SP100: variants seen among roughly 807,000 people sequenced by gnomAD.
SP100 encodes nuclear autoantigen Sp-100.
In SP100, 84 loss-of-function variants were observed where a neutral mutation model predicts 130.0. That is an observed-to-expected ratio of 0.65 (90% CI 0.54 to 0.77). SP100 has a LOEUF of 0.77. SP100 is among the 30% of genes least tolerant of loss of function. The pLI, the probability that SP100 is intolerant of heterozygous loss-of-function variation, is 0.00. For missense variants in SP100, 978 were observed against 1,052.2 expected (o/e 0.93, Z 0.97); for synonymous variants, 331 against 351.7 (o/e 0.94, Z 0.66).
At chr2:230,502,575 C>A (rs2067096628) in intron 19 of SP100, among the ~76,000 whole-genome samples, 1 of 152,184 alleles carries the variant, frequency 6.6e-6, no homozygotes, top group African/African-American at 2.4e-5. Flanking sequence ...AGGATAGCTC[C>A]TGGCATACAA....
At chr2:230,485,444 T>A (rs1181382677) in intron 17 of SP100, among the ~76,000 whole-genome samples, 1 of 152,216 alleles carries the variant, frequency 6.6e-6, no homozygotes, top group Non-Finnish European at 1.5e-5. Flanking sequence ...TCAACATGTA[T>A]CAATCATATT....
rs543330517 is a variant in SP100 at position 230,488,951 on chromosome 2, A to G, written c.1601-5465A>G. On this transcript the variant is annotated intron_variant, in intron 17 of 28. Transcript: ENST00000340126. ...TATTTTATTGAGAATTCTTGCATCA[A>G]TGTTCATCAGGGATATTGGCCTGAA... 3.5e-3 allele frequency among the ~76,000 whole-genome samples: 531 copies of G among 152,280 alleles called. 2 individuals carry two copies. The highest frequency in any genetic ancestry group is 0.012 in the African/African-American group (492 of 41,546).
chr2:230,456,755 T>C (rs149192532), intron 8 of SP100, among the ~76,000 whole-genome samples: 97 of 152,324 alleles, frequency 6.4e-4, no homozygotes, highest in African/African-American at 2.0e-3. Context: ...ATTTGTTTGA[T>C]TTTTTAAATA....
chr2:230,540,733 C>T, intron 25 of SP100, 143 bp from the exon 26 acceptor site: 1 of 980,710 alleles, frequency 1.0e-6, no homozygotes, highest in Non-Finnish European at 1.5e-6. Flanking sequence ...CCAAATGGGG[C>T]TCTAGTGCAG....
At chr2:230,539,829 A>G (rs1323847223) in intron 25 of SP100, among the ~76,000 whole-genome samples, 2 of 152,192 alleles carry the variant, frequency 1.3e-5, no homozygotes, top group East Asian at 3.9e-4. Context: ...TGCAAGTGTG[A>G]GTCCCCTGCT....
intron 24 of SP100, among the ~76,000 whole-genome samples, chr2:230,528,672 GAC>G (rs1691550715): frequency 6.6e-6 from 1 of 151,996 alleles, no homozygotes; most frequent in South Asian, 2.1e-4. Flanking sequence ...AAAATAGATA[GAC>G]CACTAGCAAG....
At chr2:230,423,623 T>C (rs2062836350) in intron 2 of SP100, among the ~76,000 whole-genome samples, 1 of 152,236 alleles carries the variant, frequency 6.6e-6, no homozygotes, top group African/African-American at 2.4e-5. Flanking sequence ...CAGTGTTTCT[T>C]ATTTTCTAAT....
chr2:230,517,263 T>C (rs972475006), intron 24 of SP100, among the ~76,000 whole-genome samples: 1 of 152,090 alleles, frequency 6.6e-6, no homozygotes, highest in Non-Finnish European at 1.5e-5. Context: ...CTGCCAAAGA[T>C]GTAGAAAGGT....
At chr2:230,515,414 G>C (rs201301150) in intron 24 of SP100, 25 of 1,613,724 alleles carry the variant, frequency 1.5e-5, no homozygotes, top group Non-Finnish European at 2.0e-5. Context: ...AAACTGGCAG[G>C]GATGTGGAAT....
rs1002162198 is a variant in SP100, at chr2:230,512,194, T to G, written c.2094+1028T>G. ...AAGAAATAATTTGATAACGATTTCT[T>G]AAAAGCCAAATGTGAGGAGTGACTC... On this transcript the variant is annotated intron_variant, in intron 24 of 28. Transcript: ENST00000340126. Among the ~76,000 whole-genome samples the G allele has an allele frequency of 3.3e-5, 5 of 150,574 alleles. No homozygotes were observed. The East Asian group carries it at 9.9e-4, about 30-fold the overall frequency.
Position 230,475,531 on chromosome 2 carries a change from A to G in SP100, c.1600+1084A>G, listed in dbSNP as rs2065497447. On this transcript the variant is annotated intron_variant, in intron 17 of 28. Transcript: ENST00000340126. ...TAATTTCTTTTGTTGTACAGAAGCT[A>G]TTTAGTTTAACTGGGTCCCACTTGT... 2.0e-5 allele frequency among the ~76,000 whole-genome samples: 3 copies of G among 152,166 alleles called. No individual in the cohort carries two copies. In the South Asian group the frequency reaches 6.2e-4, roughly 32 times the overall value.
intron 17 of SP100, among the ~76,000 whole-genome samples, chr2:230,476,399 CTT>C (rs1186256693): frequency 6.6e-6 from 1 of 152,152 alleles, no homozygotes; most frequent in Non-Finnish European, 1.5e-5. Context: ...TATTCTGAAA[CTT>C]TACTAAATTT....
chr2:230,427,223 G>C (rs116036437), intron 2 of SP100, among the ~76,000 whole-genome samples: 1 of 151,804 alleles, frequency 6.6e-6, no homozygotes, highest in African/African-American at 2.4e-5. Flanking sequence ...GTGCAGTGGT[G>C]CTATCTCGGC....
intron 8 of SP100, among the ~76,000 whole-genome samples, chr2:230,451,140 C>T (rs1008344423): frequency 6.6e-6 from 1 of 152,254 alleles, no homozygotes; most frequent in Admixed American, 6.5e-5. Context: ...TCATATCCTT[C>T]GAATATATAT....
intron 2 of SP100, among the ~76,000 whole-genome samples, chr2:230,436,163 A>C (rs1157243572): frequency 2.0e-5 from 3 of 152,124 alleles, no homozygotes; most frequent in African/African-American, 7.2e-5. Flanking sequence ...CTTCAATAAG[A>C]TTTTTATAGT....
At chr2:230,469,201 G>T in intron 14 of SP100, 105 bp downstream of exon 14, 1 of 741,598 alleles carries the variant, frequency 1.3e-6, no homozygotes, top group South Asian at 1.8e-5. Context: ...TTAATTTGTT[G>T]GGATTTTAGA....
rs2064612581 is a variant in SP100, at chr2:230,461,340, A to G, written c.899A>G (p.Lys300Arg). Residue 300 changes from lysine (K) to arginine (R), a missense_variant, in exon 9 of 29, where the codon AAG (lysine) becomes AGG (arginine). Transcript: ENST00000340126. The stretch of plus-strand genomic sequence containing the variant: ...CGACTGGTGGATATAAAAAAGGAAA[A>G]GCCATTTTCTAATTCAAAAGTTGAG... Reference protein sequence around the residue: ...SVRLVDIKKEKPFSNSKVECQ... With the variant: ...SVRLVDIKKERPFSNSKVECQ... The G allele has an allele frequency of 1.2e-6, 2 of 1,614,150 alleles. No homozygotes were observed. The highest frequency in any genetic ancestry group is 2.2e-5 in the East Asian group (1 of 44,882).
chr2:230,535,199 A>AG (rs1366181987), intron 24 of SP100, among the ~76,000 whole-genome samples: 5 of 152,010 alleles, frequency 3.3e-5, no homozygotes, highest in Middle Eastern at 3.4e-3. Context: ...CCATCTCAAA[A>AG]AAAAAAAAGT....
intron 12 of SP100, among the ~76,000 whole-genome samples, 167 bp from the exon 13 acceptor site, chr2:230,466,953 A>T (rs1486794661): frequency 6.8e-6 from 1 of 147,546 alleles, no homozygotes; most frequent in Non-Finnish European, 1.5e-5. Context: ...GAGCCACACA[A>T]ATCTGAATGA....
Sources: gnomAD v4.1 joint callset for allele counts (sites outside exome capture counted in the v4.1 genomes callset) on GRCh38, gnomAD v4.1.1 for gene constraint, MANE v1.5 for transcripts, NCBI Gene and HGNC (gene_info 2026-07-23, HGNC 2026-07-21) for gene names.